CDH12: variants seen among roughly 807,000 people sequenced by gnomAD.
CDH12 encodes the protein cadherin 12.
Under a neutral mutation model 74.1 loss-of-function variants are expected in CDH12, and 41 were observed. That is an observed-to-expected ratio of 0.55 (90% CI 0.43 to 0.72). The LOEUF is 0.72. CDH12 is among the 30% of genes least tolerant of loss of function. The probability of loss-of-function intolerance (pLI) is 0.00; values close to 1 mark genes in which losing one functional copy is unlikely to be tolerated. For synonymous variants in CDH12, 399 were observed against 355.0 expected, an observed-to-expected ratio of 1.12 and a Z score of -1.39; for missense variants, 945 against 977.2, an observed-to-expected ratio of 0.97 and a Z score of 0.44.
At chr5:22,407,985 T>G (rs1309408261) in intron 2 of CDH12, among the ~76,000 whole-genome samples, 1 of 152,028 alleles carries the variant, frequency 6.6e-6, no homozygotes, top group Non-Finnish European at 1.5e-5. Flanking sequence ...CTGTGAGTTT[T>G]GGGATGGTAC....
At chr5:22,692,776 A>C (rs960872504) in intron 1 of CDH12, among the ~76,000 whole-genome samples, 50 of 152,140 alleles carry the variant, frequency 3.3e-4, no homozygotes, top group African/African-American at 1.2e-3. Context: ...TTCAAATTAC[A>C]TTTGTAAAAT....
intron 4 of CDH12, among the ~76,000 whole-genome samples, chr5:22,203,107 G>C (rs1186929212): frequency 2.0e-5 from 3 of 152,104 alleles, no homozygotes; most frequent in South Asian, 2.1e-4. Context: ...TTTGTGGTGA[G>C]AGCATTCAAA....
chr5:22,297,248 C>T (rs1272712338), intron 3 of CDH12, among the ~76,000 whole-genome samples: 2 of 151,978 alleles, frequency 1.3e-5, no homozygotes, highest in Non-Finnish European at 2.9e-5. Flanking sequence ...CTCAAACTCC[C>T]GACCTCAGGT....
At chr5:22,573,435 A>G (rs1387880966) in intron 1 of CDH12, among the ~76,000 whole-genome samples, 1 of 152,116 alleles carries the variant, frequency 6.6e-6, no homozygotes, top group Non-Finnish European at 1.5e-5. Flanking sequence ...CAATATGTAT[A>G]TAAAAAATAT....
At chr5:22,450,293 A>T (rs1744992144) in intron 2 of CDH12, among the ~76,000 whole-genome samples, 1 of 151,900 alleles carries the variant, frequency 6.6e-6, no homozygotes, top group African/African-American at 2.4e-5. Context: ...TTTGATTTAT[A>T]TTTTATATCC....
At chr5:22,789,219 G>C (rs1561032000) in intron 1 of CDH12, among the ~76,000 whole-genome samples, 1 of 152,034 alleles carries the variant, frequency 6.6e-6, no homozygotes, top group Non-Finnish European at 1.5e-5. Context: ...GAGAATTTTA[G>C]TTTTAACTTG....
intron 1 of CDH12, among the ~76,000 whole-genome samples, chr5:22,835,746 C>A (rs1273505509): frequency 6.6e-6 from 1 of 152,140 alleles, no homozygotes; most frequent in African/African-American, 2.4e-5. Flanking sequence ...CATCCAAAGT[C>A]AACTGTGAAT....
intron 1 of CDH12, among the ~76,000 whole-genome samples, chr5:22,704,150 A>G (rs1742860795): frequency 2.0e-5 from 3 of 152,156 alleles, no homozygotes; most frequent in Non-Finnish European, 2.9e-5. Flanking sequence ...ATTAAATTGT[A>G]AAAGTTTTGC....
At chr5:22,774,948 G>C (rs1166517453) in intron 1 of CDH12, among the ~76,000 whole-genome samples, 2 of 151,944 alleles carry the variant, frequency 1.3e-5, no homozygotes, top group Non-Finnish European at 2.9e-5. Flanking sequence ...ATGTACCCAT[G>C]TAACAAACCT....
At chr5:22,133,393 C>T (rs1746281092) in intron 4 of CDH12, among the ~76,000 whole-genome samples, 1 of 152,070 alleles carries the variant, frequency 6.6e-6, no homozygotes, top group Middle Eastern at 3.2e-3. Context: ...TGCCCTAAAT[C>T]CAGTTCAGAA....
At chr5:21,932,952 CACTT>C (rs549890541) in intron 6 of CDH12, among the ~76,000 whole-genome samples, 89 of 150,508 alleles carry the variant, frequency 5.9e-4, no homozygotes, top group South Asian at 1.1e-3. Flanking sequence ...ACAAAACTCT[CACTT>C]TCTTTATCAT....
intron 6 of CDH12, among the ~76,000 whole-genome samples, chr5:21,946,500 T>C (rs2150095813): frequency 6.6e-6 from 1 of 152,270 alleles, no homozygotes; most frequent in South Asian, 2.1e-4. Context: ...AAGAGACTCA[T>C]ATGGAAACAA....
At chr5:22,645,912 T>A in intron 1 of CDH12, among the ~76,000 whole-genome samples, 1 of 152,074 alleles carries the variant, frequency 6.6e-6, no homozygotes, top group African/African-American at 2.4e-5. Flanking sequence ...ATTGCATACA[T>A]AATAAATTAC....
At chr5:22,461,324 A>G (rs1364617253) in intron 2 of CDH12, among the ~76,000 whole-genome samples, 2 of 151,996 alleles carry the variant, frequency 1.3e-5, no homozygotes, top group African/African-American at 2.4e-5. Context: ...GTACCTGGCC[A>G]ATATCTAGCA....
chr5:22,173,381 T>C (rs1271600777), intron 4 of CDH12, among the ~76,000 whole-genome samples: 1 of 142,710 alleles, frequency 7.0e-6, no homozygotes, highest in Non-Finnish European at 1.5e-5. Flanking sequence ...CATACACTTT[T>C]ATATAATATA....
chr5:22,786,141 AG>A (rs151266685), intron 1 of CDH12, among the ~76,000 whole-genome samples: 2,697 of 152,290 alleles, frequency 0.018, 83 homozygotes, highest in African/African-American at 0.061. Flanking sequence ...GCCATAAAAA[AG>A]AATGATATAA....
chr5:21,997,180 G>A (rs1011651519), intron 5 of CDH12, among the ~76,000 whole-genome samples: 15 of 152,114 alleles, frequency 9.9e-5, no homozygotes, highest in African/African-American at 3.6e-4. Context: ...CAGGTTCAGA[G>A]TCTGGGAACG....
chr5:22,649,617 A>C (rs942883103), intron 1 of CDH12, among the ~76,000 whole-genome samples: 2 of 152,044 alleles, frequency 1.3e-5, no homozygotes, highest in African/African-American at 4.8e-5. Context: ...TGGTGGCATA[A>C]TGTGATACGA....
chr5:21,884,450 A>G (rs1579906365), intron 6 of CDH12: 1 of 724,524 alleles, frequency 1.4e-6, no homozygotes, highest in East Asian at 2.5e-5. Context: ...ACCATCAGTT[A>G]CTGGTTTCAG....
Sources: gnomAD v4.1 joint callset for allele counts (sites outside exome capture counted in the v4.1 genomes callset) on GRCh38, gnomAD v4.1.1 for gene constraint, MANE v1.5 for transcripts, NCBI Gene and HGNC (gene_info 2026-07-23, HGNC 2026-07-21) for gene names.